PCDH11X: variants seen among roughly 807,000 people sequenced by gnomAD.
PCDH11X encodes protocadherin-11 X-linked.
Under a neutral mutation model 53.3 loss-of-function variants are expected in PCDH11X, and 18 were observed. The ratio of observed to expected loss-of-function variants is 0.34; its 90% CI spans 0.23 to 0.50. The LOEUF is 0.50. Among genes scored for constraint, PCDH11X ranks in the 20% least tolerant of loss-of-function variants. The pLI, the probability that PCDH11X is intolerant of heterozygous loss-of-function variation, is 0.98. For missense variants in PCDH11X, 570 were observed against 1,032.4 expected (o/e 0.55, Z 6.14); for synonymous variants, 279 against 393.3 (o/e 0.71, Z 3.44).
intron 6 of PCDH11X, among the ~76,000 whole-genome samples, chrX:92,080,396 T>C (rs1245584575): frequency 5.4e-5 from 6 of 111,132 alleles, no homozygotes; most frequent in African/African-American, 1.6e-4. Flanking sequence ...CTGTTGTTGA[T>C]GTTGTATTAC....
At chrX:92,425,170 T>A (rs1352838632) in intron 9 of PCDH11X, among the ~76,000 whole-genome samples, 2 of 110,965 alleles carry the variant, frequency 1.8e-5, no homozygotes, top group Non-Finnish European at 3.8e-5. Flanking sequence ...AGAAGTGGCA[T>A]GATCTAATGT....
Position 92,125,723 on chromosome X carries a change from C to T in PCDH11X, c.3034-75652C>T, listed in dbSNP as rs779448681. On this transcript the variant is annotated intron_variant, in intron 6 of 10. Transcript: ENST00000682573. Reference sequence around the variant, plus strand: ...TACAGGTTTGTTACATATGTATACACGTGCCATGTTGGTGTGCTGCACTCG... The same window carrying T: ...TACAGGTTTGTTACATATGTATACATGTGCCATGTTGGTGTGCTGCACTCG... 7.3e-5 allele frequency among the ~76,000 whole-genome samples: 8 copies of T among 109,942 alleles called. No homozygotes were observed. In the South Asian group the frequency reaches 2.4e-3, roughly 32 times the overall value.
At chrX:92,298,405 T>C (rs1907317141) in intron 8 of PCDH11X, among the ~76,000 whole-genome samples, 1 of 111,665 alleles carries the variant, frequency 9.0e-6, no homozygotes, top group Non-Finnish European at 1.9e-5. Flanking sequence ...GAGATACAAA[T>C]GAGAATTTTA....
intron 8 of PCDH11X, among the ~76,000 whole-genome samples, chrX:92,309,457 C>T (rs35064766): frequency 9.0e-6 from 1 of 111,135 alleles, no homozygotes; most frequent in East Asian, 2.8e-4. Context: ...AGTCATATTC[C>T]TAGAAATAGA....
At chrX:91,861,600 A>G (rs1287874532) in intron 5 of PCDH11X, among the ~76,000 whole-genome samples, 1 of 110,672 alleles carries the variant, frequency 9.0e-6, no homozygotes, top group Non-Finnish European at 1.9e-5. Flanking sequence ...ACCTCCCCCC[A>G]GGAACTTGGT....
At position 91,792,656 on chromosome X, in the gene PCDH11X, A is replaced by T. The variant is rs756910591; in HGVS notation, c.-379+12972A>T. 6.3e-5 allele frequency among the ~76,000 whole-genome samples: 7 copies of T among 111,824 alleles called. No homozygotes were observed. The East Asian group carries it at 1.7e-3, about 27-fold the overall frequency. On this transcript the variant is annotated intron_variant, in intron 1 of 10. Transcript: ENST00000682573. Reference sequence around the variant, plus strand: ...TAAAGGAAATGGATTAATTATATTCATTAGAAAAAAAATTACAATTCTAAG... The same window carrying T: ...TAAAGGAAATGGATTAATTATATTCTTTAGAAAAAAAATTACAATTCTAAG...
rs1041164960 is a variant in PCDH11X at position 92,619,991 on chromosome X, T to C, written c.*1051T>C. The C allele has an allele frequency of 5.4e-5, 6 of 111,246 alleles. No homozygotes were observed. Among genetic ancestry groups the C allele is most frequent in the Admixed American group, 4.8e-4 (5 of 10,414 alleles). The allele number at this position is 111,246 out of a possible 1,213,427, so 9.2% of individuals were successfully genotyped here. ...AATAACAAATACATGTAACTGTAGA[T>C]AAAACCATATACTAAATCTATAAGA... On this transcript the variant is annotated 3_prime_UTR_variant, in exon 11 of 11. Transcript: ENST00000682573.
intron 6 of PCDH11X, among the ~76,000 whole-genome samples, chrX:91,922,177 T>C (rs972554118): frequency 8.9e-5 from 10 of 111,970 alleles, no homozygotes; most frequent in African/African-American, 3.2e-4. Flanking sequence ...TCGGTAATAA[T>C]AGCTAACCTG....
At chrX:92,611,136 A>G (rs1371778446) in intron 10 of PCDH11X, among the ~76,000 whole-genome samples, 1 of 110,570 alleles carries the variant, frequency 9.0e-6, no homozygotes, top group Admixed American at 9.7e-5. Context: ...AAATTCTGGA[A>G]AAACGACTTT....
chrX:91,842,069 C>T (rs1223033256), intron 5 of PCDH11X, among the ~76,000 whole-genome samples: 1 of 98,054 alleles, frequency 1.0e-5, no homozygotes, highest in Non-Finnish European at 2.0e-5. Flanking sequence ...TTAGCAAAAA[C>T]TATAAAGTGC....
intron 8 of PCDH11X, among the ~76,000 whole-genome samples, chrX:92,293,936 A>C (rs2060419626): frequency 9.1e-6 from 1 of 109,461 alleles, no homozygotes; most frequent in African/African-American, 3.4e-5. Flanking sequence ...AATAGAAATA[A>C]AGTAAAAATT....
intron 9 of PCDH11X, among the ~76,000 whole-genome samples, chrX:92,433,371 G>T (rs1401936929): frequency 9.1e-6 from 1 of 109,460 alleles, no homozygotes; most frequent in African/African-American, 3.3e-5. Context: ...TTCTTTCCTG[G>T]TTGCTCCAAC....
At chrX:91,875,594 G>A (rs1256205218) in intron 5 of PCDH11X, among the ~76,000 whole-genome samples, 1 of 110,484 alleles carries the variant, frequency 9.1e-6, no homozygotes, top group Non-Finnish European at 1.9e-5. Flanking sequence ...CCCGGCCGAG[G>A]GGATTGTTTT....
chrX:91,981,035 T>TATATATATATAC (rs2062127148), intron 6 of PCDH11X, among the ~76,000 whole-genome samples: 1 of 101,952 alleles, frequency 9.8e-6, no homozygotes, highest in African/African-American at 3.6e-5. Flanking sequence ...TATATATATA[T>TATATATATATAC]ACACTGAATA....
intron 6 of PCDH11X, among the ~76,000 whole-genome samples, chrX:91,931,214 T>C (rs1362049636): frequency 9.1e-6 from 1 of 109,710 alleles, no homozygotes; most frequent in Non-Finnish European, 1.9e-5. Context: ...CCAACACTAG[T>C]TGACTTGAAA....
chrX:92,518,500 C>T (rs1277762469), intron 10 of PCDH11X, among the ~76,000 whole-genome samples: 1 of 111,772 alleles, frequency 8.9e-6, no homozygotes, highest in Non-Finnish European at 1.9e-5. Flanking sequence ...TCTTCTTGAA[C>T]ATCACAATCT....
chrX:91,988,802 T>C (rs185772960), intron 6 of PCDH11X, among the ~76,000 whole-genome samples: 12 of 111,619 alleles, frequency 1.1e-4, no homozygotes, highest in Non-Finnish European at 1.7e-4. Context: ...GATCCGGAAC[T>C]CAATACAATC....
chrX:91,944,300 C>T (rs1475170659), intron 6 of PCDH11X, among the ~76,000 whole-genome samples: 6 of 97,229 alleles, frequency 6.2e-5, no homozygotes, highest in Admixed American at 2.3e-4. Context: ...TGTTAGGTTT[C>T]ATTTTATTTG....
chrX:92,563,799 A>T (rs1299999556), intron 10 of PCDH11X, among the ~76,000 whole-genome samples: 3 of 111,243 alleles, frequency 2.7e-5, no homozygotes, highest in Admixed American at 9.6e-5. Flanking sequence ...ACAGAAAAAC[A>T]GAATAGTACA....
Sources: allele counts gnomAD v4.1 joint callset (sites outside exome capture counted in the v4.1 genomes callset), GRCh38; gene constraint gnomAD v4.1.1; transcripts MANE v1.5; gene names NCBI Gene and HGNC (gene_info 2026-07-23, HGNC 2026-07-21).